Variants in CFAP52 observed in about 807,000 individuals in gnomAD.
CFAP52 encodes cilia- and flagella-associated protein 52.
In CFAP52, 57 loss-of-function variants were observed where a neutral mutation model predicts 70.5. The ratio of observed to expected loss-of-function variants is 0.81; its 90% CI spans 0.65 to 1.01. CFAP52 has a LOEUF of 1.01. CFAP52 is among the 50% of genes least tolerant of loss of function. CFAP52 has a pLI of 0.00. For missense variants in CFAP52, 785 were observed against 788.5 expected, an observed-to-expected ratio of 1.00 and a Z score of 0.05; for synonymous variants, 267 against 292.5, an observed-to-expected ratio of 0.91 and a Z score of 0.89.
In CFAP52 at chr17:9,643,112, A is replaced by G. The variant is rs1359866019; in HGVS notation, c.1777A>G (p.Ile593Val). 1 of 1,613,814 alleles carries G rather than the reference A, an allele frequency of 6.2e-7. No homozygotes were observed. The highest frequency in any genetic ancestry group is 1.3e-5 in the African/African-American group (1 of 74,948). ...GVGHSGNITR[I>V]RISPGNQYIV... ...GGGACACAGTGGCAACATCACACGC[A>G]TCCGCATAAGTCCAGGAAATCAATA... The change falls in exon 14 of 14, where the codon ATC becomes GTC. Residue 593 changes from isoleucine (I) to valine (V), a missense_variant. Transcript: ENST00000352665.
rs545336032 is a variant in CFAP52 at position 9,587,014 on chromosome 17, C to T, written c.407+180C>T. Among the ~76,000 whole-genome samples the T allele has an allele frequency of 0.038, 8 of 210 alleles. 1 individual carries two copies. In the South Asian group the frequency reaches 0.4, roughly 11 times the overall value. 0.1% of individuals were successfully genotyped at this position (210 alleles called of 152,430 possible). On this transcript the variant is annotated intron_variant, in intron 3 of 13. Transcript: ENST00000352665. ...AGTAGTTATTTTTTCTGATCCTCTC[C>T]CTCTCCCACCCTCCACCCTCAACAG...
In CFAP52 at chr17:9,597,803, A is replaced by AAGAG. The variant is rs10548437; in HGVS notation, c.537-407_537-404dup. ...GGCAATAGAGTGGGACTCTGTCAGAAAGAGAGAGAGAGAGAGAGAGAGAGA... is the reference window on the plus strand; with the variant it reads ...GGCAATAGAGTGGGACTCTGTCAGAAAGAGAGAGAGAGAGAGAGAGAGAGAGAGA... On this transcript the variant is annotated intron_variant, in intron 4 of 13. Transcript: ENST00000352665. Among the ~76,000 whole-genome samples the AAGAG allele has an allele frequency of 9.3e-3, 1,296 of 139,100 alleles. 16 individuals are homozygous for AAGAG. The highest frequency in any genetic ancestry group is 0.027 in the African/African-American group (985 of 36,598). 91.3% of individuals were successfully genotyped at this position (139,100 alleles called of 152,430 possible). A position where few individuals can be genotyped will look rare whatever the true frequency, so the allele number is the denominator to read the frequency against.
At chr17:9,641,660 T>C in intron 12 of CFAP52, 64 bp from the exon 13 acceptor site, 11 of 1,187,570 alleles carry the variant, frequency 9.3e-6, no homozygotes, top group Non-Finnish European at 1.4e-5. Flanking sequence ...CATCTTTTGT[T>C]AGCATGTGCA....
intron 3 of CFAP52, 102 bp downstream of exon 3, chr17:9,586,936 C>T: frequency 9.0e-6 from 12 of 1,339,952 alleles, no homozygotes; most frequent in Non-Finnish European, 1.2e-5. Context: ...AAACTTATGT[C>T]ACGGGTTTGT....
intron 9 of CFAP52, among the ~76,000 whole-genome samples, chr17:9,632,395 T>G (rs917201909): frequency 3.9e-5 from 6 of 151,968 alleles, no homozygotes; most frequent in African/African-American, 1.4e-4. Flanking sequence ...GCCTTTTTTT[T>G]TAAATAAAAA....
chr17:9,622,375 C>A (rs1910074312), intron 8 of CFAP52, among the ~76,000 whole-genome samples: 1 of 151,810 alleles, frequency 6.6e-6, no homozygotes. Flanking sequence ...GGTGAGACAC[C>A]CCTTCCTCAT....
intron 1 of CFAP52, among the ~76,000 whole-genome samples, chr17:9,581,148 C>T (rs184378887): frequency 6.6e-6 from 1 of 152,124 alleles, no homozygotes; most frequent in Non-Finnish European, 1.5e-5. Context: ...AACCCCGTCT[C>T]TACTAAAAAT....
intron 5 of CFAP52, 73 bp downstream of exon 5, chr17:9,598,406 G>C (rs1319451633): frequency 4.7e-6 from 6 of 1,281,424 alleles, no homozygotes; most frequent in Non-Finnish European, 6.7e-6. Context: ...AGGTGTTTGT[G>C]TGTGTGTACA....
chr17:9,610,840 G>A lies in CFAP52; in HGVS notation c.855-1469G>A, dbSNP rs111476097. On this transcript the variant is annotated intron_variant, in intron 7 of 13. Transcript: ENST00000352665. The stretch of plus-strand genomic sequence containing the variant: ...AGGTGTGAGCCACCATGCCCAGCCT[G>A]TTCTTCCCCTTTTATCCCTAGGCTT... Among the ~76,000 whole-genome samples the A allele has an allele frequency of 8.3e-4, 127 of 152,166 alleles. 1 individual carries two copies. The highest frequency in any genetic ancestry group is 2.9e-3 in the African/African-American group (119 of 41,524).
At chr17:9,628,282 C>G (rs934299798) in intron 8 of CFAP52, among the ~76,000 whole-genome samples, 2 of 139,288 alleles carry the variant, frequency 1.4e-5, no homozygotes, top group African/African-American at 5.2e-5. Context: ...TCCCTATATT[C>G]TTTTTTTTTT....
chr17:9,598,599 T>C (rs1909125133), intron 5 of CFAP52: 1 of 220,052 alleles, frequency 4.5e-6, no homozygotes, highest in East Asian at 1.1e-4. Flanking sequence ...TTGTCTCTAC[T>C]AAAAATACAC....
At chr17:9,601,530 T>G (rs1468200163) in intron 6 of CFAP52, among the ~76,000 whole-genome samples, 2 of 152,224 alleles carry the variant, frequency 1.3e-5, no homozygotes, top group African/African-American at 4.8e-5. Flanking sequence ...ATAAGAGAAG[T>G]GTGCTCTTTG....
At chr17:9,638,412 A>G (rs539238190) in intron 11 of CFAP52, among the ~76,000 whole-genome samples, 197 bp from the exon 12 acceptor site, 1 of 152,320 alleles carries the variant, frequency 6.6e-6, no homozygotes, top group East Asian at 1.9e-4. Context: ...ACCGGAGTAC[A>G]CAGAAGTAGA....
At chr17:9,606,339 T>C (rs28599811) in intron 6 of CFAP52, among the ~76,000 whole-genome samples, 4,177 of 152,076 alleles carry the variant, frequency 0.027, 197 homozygotes, top group African/African-American at 0.096. Flanking sequence ...GCTGTGATTG[T>C]GCCACTGCAC....
At chr17:9,588,461 G>A (rs1908596637) in intron 3 of CFAP52, among the ~76,000 whole-genome samples, 1 of 152,218 alleles carries the variant, frequency 6.6e-6, no homozygotes, top group Non-Finnish European at 1.5e-5. Context: ...AGCTCAAGCA[G>A]CGGAGGCAGG....
intron 8 of CFAP52, among the ~76,000 whole-genome samples, chr17:9,624,495 A>AAT (rs1350162701): frequency 6.6e-5 from 10 of 152,256 alleles, no homozygotes; most frequent in Middle Eastern, 3.4e-3. Context: ...CCTATAGAAG[A>AAT]ATATATAATT....
chr17:9,631,028 A>AGAGAGAG (rs1910479353), intron 9 of CFAP52, among the ~76,000 whole-genome samples: 4 of 44,736 alleles, frequency 8.9e-5, no homozygotes, highest in African/African-American at 4.9e-4. Context: ...GAAAGAAAGA[A>AGAGAGAG]AGAGAGAGAG....
rs752233727 is a variant in CFAP52 at position 9,600,163 on chromosome 17, G to T, written c.733G>T (p.Ala245Ser). 13 of 1,613,960 alleles carry T rather than the reference G, an allele frequency of 8.1e-6. No homozygotes were observed. Among genetic ancestry groups the T allele is most frequent in the African/African-American group, 2.7e-5 (2 of 75,022 alleles). Residue 245 changes from alanine to serine, a missense_variant, in exon 6 of 14, where the codon GCG becomes TCG. By Grantham distance (99) the Ala-to-Ser change is moderately conservative. Transcript: ENST00000352665. ...RTKLLTDVGP[A>S]KDKFSLGVSA... ...TAAACTGCTGACAGATGTTGGGCCT[G>T]CGAAGGACAAATTCAGTTTGGTGAG... is the stretch of plus-strand genomic sequence containing the variant.
intron 13 of CFAP52, among the ~76,000 whole-genome samples, chr17:9,642,756 C>T (rs1025039983): frequency 5.3e-5 from 8 of 152,144 alleles, no homozygotes; most frequent in Admixed American, 3.9e-4. Flanking sequence ...TACCAGTATA[C>T]TTATAGAGAA....
Sources: gnomAD v4.1 joint callset for allele counts (sites outside exome capture counted in the v4.1 genomes callset) on GRCh38, gnomAD v4.1.1 for gene constraint, MANE v1.5 for transcripts, NCBI Gene and HGNC (gene_info 2026-07-23, HGNC 2026-07-21) for gene names.